Variants in NAV2 observed in about 807,000 individuals in gnomAD.
The protein encoded by NAV2 is helicase, APC down-regulated 1.
NAV2 carries 54 observed loss-of-function variants against 223.2 expected under a neutral mutation model. That is an observed-to-expected ratio of 0.24 (90% CI 0.19 to 0.30). The LOEUF is 0.30. Among genes scored for constraint, NAV2 ranks in the 10% least tolerant of loss-of-function variants. The probability of loss-of-function intolerance (pLI) is 1.00; values close to 1 mark genes in which losing one functional copy is unlikely to be tolerated. For missense variants in NAV2, 2,806 were observed against 3,147.5 expected, an observed-to-expected ratio of 0.89 and a Z score of 2.60; for synonymous variants, 1,279 against 1,239.3, an observed-to-expected ratio of 1.03 and a Z score of -0.67.
rs753509417 is a variant in NAV2 at position 19,948,741 on chromosome 11, G to A, written c.2306G>A (p.Arg769His). 20 of 1,605,612 alleles carry A rather than the reference G, an allele frequency of 1.2e-5. No homozygotes were observed. In the Admixed American group the frequency reaches 2.5e-4, roughly 20 times the overall value. Residue 769 changes from arginine to histidine, a missense_variant, in exon 10 of 38, where the codon CGT becomes CAT. Physicochemically the swap from Arg to His is conservative, Grantham distance 29. Transcript: ENST00000349880. ...AATGTCACCACGGAGATGAGTGGCCGTAGCATACTCAGCTTGACAGGGAGG... is the reference window on the plus strand; with the variant it reads ...AATGTCACCACGGAGATGAGTGGCCATAGCATACTCAGCTTGACAGGGAGG... ...DTNVTTEMSGRSILSLTGRPT... is the reference protein window; with the variant it reads ...DTNVTTEMSGHSILSLTGRPT...
Position 19,787,270 on chromosome 11 carries a change from C to CTTTTTTTTTTTTTTTTTTTTTTT in NAV2, c.268-45208_268-45186dup, listed in dbSNP as rs757183666. Among the ~76,000 whole-genome samples the CTTTTTTTTTTTTTTTTTTTTTTT allele has an allele frequency of 1.3e-4, 7 of 55,008 alleles. 2 individuals carry two copies. The highest frequency in any genetic ancestry group is 1.9e-4 in the African/African-American group (3 of 16,140). 36.1% of individuals were successfully genotyped at this position (55,008 alleles called of 152,430 possible). ...CATGCCTGGCTAATTTTTATTGGATCTTTTTTTTTTTTTTTTTTTTTTTTT... is the reference window on the plus strand; with the variant it reads ...CATGCCTGGCTAATTTTTATTGGATCTTTTTTTTTTTTTTTTTTTTTTTTTTTTTTTTTTTTTTTTTTTTTTTT... On this transcript the variant is annotated intron_variant, in intron 1 of 37. Coordinates refer to ENST00000349880, the MANE Select transcript of NAV2 (RefSeq NM_145117.5).
intron 1 of NAV2, among the ~76,000 whole-genome samples, chr11:19,638,821 C>T (rs557935266): frequency 1.6e-4 from 25 of 152,094 alleles, no homozygotes; most frequent in African/African-American, 5.3e-4. Context: ...GGTGAAACCC[C>T]GTGTCTACTA....
At chr11:19,891,662 T>G (rs1345392300) in intron 5 of NAV2, among the ~76,000 whole-genome samples, 1 of 152,212 alleles carries the variant, frequency 6.6e-6, no homozygotes, top group Non-Finnish European at 1.5e-5. Flanking sequence ...AAGGGAAATG[T>G]ATGTGTGGGC....
At chr11:19,745,835 C>T (rs904286861) in intron 1 of NAV2, among the ~76,000 whole-genome samples, 2 of 152,138 alleles carry the variant, frequency 1.3e-5, no homozygotes, top group Non-Finnish European at 2.9e-5. Flanking sequence ...CACTCGCCCA[C>T]CACTCACCTC....
At chr11:19,724,167 A>G (rs1202496396) in intron 1 of NAV2, among the ~76,000 whole-genome samples, 2 of 152,180 alleles carry the variant, frequency 1.3e-5, no homozygotes, top group Non-Finnish European at 2.9e-5. Flanking sequence ...GAGGAGTGTG[A>G]CTTGCCTCCA....
rs1322358393 is a variant in NAV2, at chr11:20,035,966, G to A, written c.2776G>A (p.Asp926Asn). Residue 926 changes from aspartate to asparagine, a missense_variant, in exon 12 of 38, where the codon GAC becomes AAC. By Grantham distance (23) the Asp-to-Asn change is conservative. Around this residue, in one of 4 missense-constraint regions of NAV2, gnomAD observed 73 missense variants for 119.7 expected, o/e 0.61. Transcript: ENST00000349880. The stretch of plus-strand genomic sequence containing the variant: ...GTGTGTTTGTCTTGGCAGCTGGGAC[G>A]ACAGCAGCTCCGTCAGCAGCGGCAT... ...LGLGDADSWD[D>N]SSSVSSGISD... 21 of 1,613,996 alleles carry A rather than the reference G, an allele frequency of 1.3e-5. No homozygotes were observed. Among genetic ancestry groups the A allele is most frequent in the African/African-American group, 2.7e-5 (2 of 74,910 alleles).
At chr11:19,650,574 T>A (rs2047942218) in intron 1 of NAV2, among the ~76,000 whole-genome samples, 1 of 152,166 alleles carries the variant, frequency 6.6e-6, no homozygotes, top group African/African-American at 2.4e-5. Flanking sequence ...GCCTGGGTAT[T>A]TAACCCAGAG....
chr11:19,441,898 G>A lies in NAV2; in HGVS notation c.75+90871G>A, dbSNP rs181860088. Among the ~76,000 whole-genome samples, 19 of 152,304 alleles carry A rather than the reference G, an allele frequency of 1.2e-4. No homozygotes were observed. In the East Asian group the frequency reaches 3.3e-3, roughly 26 times the overall value. ...GTCTGGGAGCTCTCCTCTGGACACC[G>A]AACCTGGTCCTTATCTATTTTTCCC... On this transcript the variant is annotated intron_variant, in intron 1 of 37. Transcript: ENST00000360655.
intron 1 of NAV2, among the ~76,000 whole-genome samples, chr11:19,390,690 A>G (rs893463759): frequency 6.6e-6 from 1 of 152,130 alleles, no homozygotes; most frequent in African/African-American, 2.4e-5. Flanking sequence ...TAGTAGGGTA[A>G]GTGGTGAAGG....
Position 20,114,717 on chromosome 11 carries a change from C to T in NAV2, c.7086C>T (p.Gly2362=). ...TGCAGTTACGGCCTGAGGATGTCGG[C>T]TTCGACGGCTACTCCATGCCTCGGG... ...PLLQLRPEDV[G]FDGYSMPREG... Residue 2362 remains glycine, a synonymous_variant, in exon 37 of 38, where the codon GGC becomes GGT. Coordinates refer to ENST00000349880, the MANE Select transcript of NAV2 (RefSeq NM_145117.5). 9 of 1,614,126 alleles carry T rather than the reference C, an allele frequency of 5.6e-6. No homozygotes were observed. The highest frequency in any genetic ancestry group is 7.6e-6 in the Non-Finnish European group (9 of 1,180,034).
intron 1 of NAV2, among the ~76,000 whole-genome samples, chr11:19,490,844 A>G (rs1277253204): frequency 6.6e-6 from 1 of 152,194 alleles, no homozygotes; most frequent in Non-Finnish European, 1.5e-5. Flanking sequence ...TGGCAGTTAT[A>G]GCCTTTTGAA....
chr11:20,022,565 A>G (rs1214549296), intron 11 of NAV2: 1 of 985,582 alleles, frequency 1.0e-6, no homozygotes, highest in African/African-American at 1.7e-5. Context: ...TAATCTTTTC[A>G]ATCGAATGCT....
intron 1 of NAV2, among the ~76,000 whole-genome samples, chr11:19,662,135 G>A (rs186368533): frequency 1.1e-3 from 160 of 152,296 alleles, no homozygotes; most frequent in African/African-American, 3.4e-3. Flanking sequence ...AAAAATGTGT[G>A]AAGAGGAAGA....
chr11:19,731,698 T>C (rs779383250), intron 1 of NAV2, among the ~76,000 whole-genome samples: 3 of 152,260 alleles, frequency 2.0e-5, no homozygotes, highest in South Asian at 2.1e-4. Context: ...TGAGTAGCTA[T>C]GTGGGCATGG....
chr11:19,776,887 C>G (rs1256312278), intron 1 of NAV2, among the ~76,000 whole-genome samples: 1 of 151,986 alleles, frequency 6.6e-6, no homozygotes, highest in Non-Finnish European at 1.5e-5. Context: ...CCCCTTCCCC[C>G]GGCCTCACCC....
chr11:19,527,936 T>C (rs1179870049), intron 1 of NAV2, among the ~76,000 whole-genome samples: 1 of 88,494 alleles, frequency 1.1e-5, no homozygotes, highest in Non-Finnish European at 2.2e-5. Context: ...CTCCCTGCCC[T>C]GACACACACA....
chr11:19,694,298 T>G (rs933057007), intron 1 of NAV2, among the ~76,000 whole-genome samples: 3 of 152,216 alleles, frequency 2.0e-5, no homozygotes, highest in Admixed American at 2.0e-4. Flanking sequence ...GCAAATGAGC[T>G]GGGTTTTCAT....
At chr11:20,111,659 C>G (rs563306837) in intron 36 of NAV2, among the ~76,000 whole-genome samples, 138 of 152,356 alleles carry the variant, frequency 9.1e-4, no homozygotes, top group African/African-American at 3.2e-3. Flanking sequence ...GTGCCCAGGG[C>G]AGGCTTGGTG....
In NAV2 at chr11:19,652,686, C is replaced by T. The variant is rs189050916; in HGVS notation, c.76-179798C>T. Among the ~76,000 whole-genome samples, 143 of 152,320 alleles carry T rather than the reference C, an allele frequency of 9.4e-4. 3 individuals carry two copies. Among genetic ancestry groups the T allele is most frequent in the Admixed American group, 3.7e-3 (57 of 15,302 alleles). The stretch of plus-strand genomic sequence containing the variant: ...CTCCATGGCTGCCCTGAGTCTGCTT[C>T]CCCACTGCCCAGAGGCTGTCACCAG... On this transcript the variant is annotated intron_variant, in intron 1 of 37. Transcript: ENST00000360655.
Sources: gnomAD v4.1 joint callset for allele counts (sites outside exome capture counted in the v4.1 genomes callset) on GRCh38, gnomAD v4.1.1 for gene constraint, gnomAD v4.1.1 regional missense constraint, MANE v1.5 for transcripts, NCBI Gene and HGNC (gene_info 2026-07-23, HGNC 2026-07-21) for gene names.